CACNA1B: variants seen among roughly 807,000 people sequenced by gnomAD.
CACNA1B encodes the protein calcium voltage-gated channel subunit alpha1 B, also known as voltage-dependent N-type calcium channel subunit alpha-1B.
In CACNA1B, 70 loss-of-function variants were observed where a neutral mutation model predicts 247.2. The observed-to-expected ratio is 0.28, with a 90% CI of 0.23 to 0.35. The LOEUF (loss-of-function observed/expected upper bound fraction) is 0.35, where lower values mean the gene tolerates loss of function less well. CACNA1B is among the 10% of genes least tolerant of loss of function. CACNA1B has a pLI of 1.00. For missense variants in CACNA1B, 2,367 were observed against 3,197.4 expected, an observed-to-expected ratio of 0.74 and a Z score of 6.26; for synonymous variants, 1,231 against 1,294.4, an observed-to-expected ratio of 0.95 and a Z score of 1.05.
intron 36 of CACNA1B, among the ~76,000 whole-genome samples, chr9:138,089,079 T>C (rs553480784): frequency 6.7e-6 from 1 of 150,244 alleles, no homozygotes; most frequent in Admixed American, 6.7e-5. Flanking sequence ...CTTCTCAAGC[T>C]CTTCTAGAAA....
At chr9:137,941,308 C>T (rs548309916) in intron 6 of CACNA1B, among the ~76,000 whole-genome samples, 1 of 152,196 alleles carries the variant, frequency 6.6e-6, no homozygotes, top group East Asian at 1.9e-4. Flanking sequence ...AGAACTCAAC[C>T]CCTTTTACAA....
chr9:138,075,228 A>G (rs1960272663), intron 34 of CACNA1B, among the ~76,000 whole-genome samples: 1 of 152,204 alleles, frequency 6.6e-6, no homozygotes, highest in Non-Finnish European at 1.5e-5. Context: ...TGCTGTTTAA[A>G]TAAATACATC....
At chr9:137,948,257 A>G (rs1237137878) in intron 6 of CACNA1B, among the ~76,000 whole-genome samples, 1 of 152,194 alleles carries the variant, frequency 6.6e-6, no homozygotes, top group Non-Finnish European at 1.5e-5. Context: ...CTGGGATTAC[A>G]GGTGTGAGCC....
intron 13 of CACNA1B, 117 bp downstream of exon 13, chr9:137,984,367 T>A: frequency 1.4e-6 from 1 of 730,546 alleles, no homozygotes; most frequent in Non-Finnish European, 2.3e-6. Flanking sequence ...CTCTGTGGCT[T>A]ATAGTTGATT....
chr9:138,053,398 C>T (rs1959364871), intron 25 of CACNA1B, among the ~76,000 whole-genome samples: 1 of 152,202 alleles, frequency 6.6e-6, no homozygotes, highest in Non-Finnish European at 1.5e-5. Flanking sequence ...GGTGGAGCCT[C>T]TCTGTGGTCA....
At chr9:138,000,818 A>C (rs1958567896) in intron 15 of CACNA1B, among the ~76,000 whole-genome samples, 2 of 152,188 alleles carry the variant, frequency 1.3e-5, no homozygotes, top group African/African-American at 4.8e-5. Context: ...ATTCATTCAA[A>C]TCTCATGGCA....
At chr9:138,070,846 TC>T (rs1393418443) in intron 32 of CACNA1B, among the ~76,000 whole-genome samples, 2 of 152,336 alleles carry the variant, frequency 1.3e-5, no homozygotes, top group Non-Finnish European at 2.9e-5. Flanking sequence ...TTTCCCGTCT[TC>T]AATTGTCAGT....
chr9:137,995,541 G>A lies in CACNA1B; in HGVS notation c.1974+8687G>A, dbSNP rs116347177. ...CTTATACAAAAATCAACTCAAGATGGTCAAAGACTTAACCTAAGAGCTGAA... is the reference window on the plus strand; with the variant it reads ...CTTATACAAAAATCAACTCAAGATGATCAAAGACTTAACCTAAGAGCTGAA... On this transcript the variant is annotated intron_variant, in intron 15 of 46. Transcript: ENST00000371372. Among the ~76,000 whole-genome samples the A allele has an allele frequency of 4.4e-3, 676 of 152,276 alleles. 10 individuals are homozygous for A. Among genetic ancestry groups the A allele is most frequent in the African/African-American group, 0.015 (635 of 41,558 alleles).
intron 6 of CACNA1B, among the ~76,000 whole-genome samples, chr9:137,947,426 T>A (rs7850056): frequency 1.3e-5 from 2 of 152,070 alleles, no homozygotes; most frequent in African/African-American, 4.8e-5. Context: ...CTCCAGACCC[T>A]ATTCTTCTGC....
chr9:137,945,835 C>T (rs753467395), intron 6 of CACNA1B, among the ~76,000 whole-genome samples: 2 of 152,116 alleles, frequency 1.3e-5, no homozygotes, highest in Non-Finnish European at 2.9e-5. Flanking sequence ...TATTTCTTTA[C>T]TTTTATTATT....
intron 3 of CACNA1B, among the ~76,000 whole-genome samples, chr9:137,896,382 G>A (rs937691486): frequency 5.3e-5 from 8 of 151,684 alleles, no homozygotes; most frequent in South Asian, 2.1e-4. Flanking sequence ...TTTTTGCATT[G>A]GTATGATCAT....
In CACNA1B at chr9:137,882,685, C is replaced by T; in HGVS notation, c.391-59C>T. 2.5e-6 allele frequency: 4 copies of T among 1,604,724 alleles called. No individual in the cohort carries two copies. Among genetic ancestry groups the T allele is most frequent in the Non-Finnish European group, 3.4e-6 (4 of 1,172,818 alleles). On this transcript the variant is annotated intron_variant, in intron 2 of 46. Transcript: ENST00000371372. This position sits in a 1 kb window ranked among gnomAD's most constrained non-coding sequence, Gnocchi z 4.0. ...GGGGTGGGGTCCTCACCAACCGTCT[C>T]TGCCCGCTACTACACCGGGTAGGGG...
rs993400355 is a variant in CACNA1B, at chr9:138,052,619, CT to C, written c.3807+433del. ...CACGCTGAAACCTAGTAATTGTGAG[CT>C]TGTGCTAGGCCCTGTGCGAATTGCT... On this transcript the variant is annotated intron_variant, in intron 25 of 46. Transcript: ENST00000371372. This position sits in a 1 kb window ranked among gnomAD's most constrained non-coding sequence, Gnocchi z 5.1. Among the ~76,000 whole-genome samples the C allele has an allele frequency of 6.6e-6, 1 of 152,234 alleles. No homozygotes were observed. The highest frequency in any genetic ancestry group is 1.5e-5 in the Non-Finnish European group (1 of 68,042).
In CACNA1B at chr9:138,098,216, ATACT is replaced by A. The variant is rs1281143663; in HGVS notation, c.5222+1611_5222+1614del. The stretch of plus-strand genomic sequence containing the variant: ...GATGCAGCAATATGTTTGCCCTGTG[ATACT>A]TACTTCATGCTGGGAGGGACAGGCT... On this transcript the variant is annotated intron_variant, in intron 37 of 46. Transcript: ENST00000371372. Among the ~76,000 whole-genome samples the A allele has an allele frequency of 2.6e-5, 4 of 152,342 alleles. No individual in the cohort carries two copies. The South Asian group carries it at 6.2e-4, about 24-fold the overall frequency.
At chr9:138,087,179 A>G (rs983119260) in intron 36 of CACNA1B, among the ~76,000 whole-genome samples, 4 of 150,064 alleles carry the variant, frequency 2.7e-5, no homozygotes, top group Middle Eastern at 3.2e-3. Flanking sequence ...TGAGGTCAGG[A>G]GTTCGAGACC....
chr9:138,105,957 C>G (rs1276379856), intron 39 of CACNA1B, 150 bp downstream of exon 39: 1 of 588,276 alleles, frequency 1.7e-6, no homozygotes, highest in African/African-American at 1.9e-5. Context: ...GATACCCACC[C>G]TGGGGCACTG....
rs546634652 is a variant in CACNA1B, at chr9:137,967,778, C to T, written c.1334-3605C>T. ...TGTCAGTGACTTGCTCTCTGTCTGCCCCTCAAACTGCAGGCTCAGGGCCCC... is the reference window on the plus strand; with the variant it reads ...TGTCAGTGACTTGCTCTCTGTCTGCTCCTCAAACTGCAGGCTCAGGGCCCC... On this transcript the variant is annotated intron_variant, in intron 10 of 46. Transcript: ENST00000371372. 1.5e-4 allele frequency among the ~76,000 whole-genome samples: 23 copies of T among 152,300 alleles called. No individual in the cohort carries two copies. In the East Asian group the frequency reaches 4.2e-3, roughly 28 times the overall value.
intron 22 of CACNA1B, 105 bp from the exon 23 acceptor site, chr9:138,047,294 C>G (rs1959193132): frequency 2.3e-6 from 2 of 885,704 alleles, no homozygotes; most frequent in South Asian, 3.0e-5. Flanking sequence ...TCCTGGCTCC[C>G]TGGCTGACTG....
rs1247521753 is a variant in CACNA1B, at chr9:138,057,605, A to G, written c.3969-127A>G. The G allele has an allele frequency of 1.7e-5, 14 of 830,166 alleles. No individual in the cohort carries two copies. Among genetic ancestry groups the G allele is most frequent in the Middle Eastern group, 2.4e-4 (1 of 4,152 alleles). The allele number at this position is 830,166 out of a possible 1,614,324, so 51.4% of individuals were successfully genotyped here. On this transcript the variant is annotated intron_variant, in intron 26 of 46. Coordinates refer to ENST00000371372, the MANE Select transcript of CACNA1B (RefSeq NM_000718.4). This position sits in a 1 kb window ranked among gnomAD's most constrained non-coding sequence, Gnocchi z 4.0. ...TTCATTCTTCTGCATGTGGACATCC[A>G]GTTTTCCCAGCACAGTCTGTTGGAG...
Sources: allele counts gnomAD v4.1 joint callset (sites outside exome capture counted in the v4.1 genomes callset), GRCh38; gene constraint gnomAD v4.1.1; non-coding constraint Gnocchi (gnomAD v3.1); transcripts MANE v1.5; gene names NCBI Gene and HGNC (gene_info 2026-07-23, HGNC 2026-07-21).